PLA2R1: variants seen among roughly 807,000 people sequenced by gnomAD.
PLA2R1 encodes the protein phospholipase A2 receptor 1.
A neutral mutation model predicts 195.9 loss-of-function variants in PLA2R1; 158 were observed. The observed-to-expected ratio is 0.81, with a 90% CI of 0.71 to 0.92. PLA2R1 has a LOEUF of 0.92. PLA2R1 is among the 40% of genes least tolerant of loss of function. The pLI is 0.00. For missense variants in PLA2R1, 1,626 were observed against 1,764.6 expected (o/e 0.92, Z 1.41); for synonymous variants, 586 against 598.2 (o/e 0.98, Z 0.30).
Position 159,977,631 on chromosome 2 carries a change from CA to C in PLA2R1, c.2269-216del, listed in dbSNP as rs113271492. On this transcript the variant is annotated intron_variant, in intron 14 of 29. Transcript: ENST00000283243. ...TTCTTAAAGATGCCTTTTTAAAAAA[CA>C]AAAACAAAAACAAGAAAACAAAAGG... 3.9e-3 allele frequency among the ~76,000 whole-genome samples: 600 copies of C among 151,974 alleles called. 3 individuals are homozygous for C. The highest frequency in any genetic ancestry group is 0.014 in the African/African-American group (564 of 41,488).
At chr2:160,021,509 C>T (rs1186356670) in intron 7 of PLA2R1, among the ~76,000 whole-genome samples, 2 of 152,210 alleles carry the variant, frequency 1.3e-5, no homozygotes, top group African/African-American at 2.4e-5. Context: ...TGAGGCGATT[C>T]TGCTAAGTGA....
At chr2:159,978,257 TAAA>T (rs1689709414) in intron 14 of PLA2R1, among the ~76,000 whole-genome samples, 1 of 152,178 alleles carries the variant, frequency 6.6e-6, no homozygotes, top group African/African-American at 2.4e-5. Flanking sequence ...ACGGGGGTAT[TAAA>T]GAATCAACCT....
chr2:160,003,086 G>T (rs1387961506), intron 11 of PLA2R1, among the ~76,000 whole-genome samples: 2 of 151,950 alleles, frequency 1.3e-5, no homozygotes, highest in African/African-American at 4.8e-5. Context: ...GTTTATTATG[G>T]TATTTCGAAT....
intron 1 of PLA2R1, among the ~76,000 whole-genome samples, chr2:160,053,731 G>A (rs1207007582): frequency 1.3e-5 from 2 of 152,264 alleles, no homozygotes; most frequent in African/African-American, 4.8e-5. Context: ...GCAGCAGGCA[G>A]CATCAATTGT....
intron 6 of PLA2R1, among the ~76,000 whole-genome samples, chr2:160,026,781 G>A (rs1170226165): frequency 6.6e-6 from 1 of 152,160 alleles, no homozygotes; most frequent in Non-Finnish European, 1.5e-5. Context: ...TTAGAACTTT[G>A]TATATCATTG....
rs1688046415 is a variant in PLA2R1 at position 159,955,770 on chromosome 2, AT to A, written c.3080del (p.Asn1027MetfsTer8). On this transcript the variant is annotated frameshift_variant, in exon 22 of 30. Transcript: ENST00000283243. LOFTEE classifies it high-confidence loss of function. ...QTTSVWIGLQ[N>X]DDYETWLNGK... Reference sequence around the variant, plus strand: ...CATTTAGCCATGTTTCATAATCATCATTTTGTAAACCTATCCACACACTGGT... The same window carrying A: ...CATTTAGCCATGTTTCATAATCATCATTTGTAAACCTATCCACACACTGGT... 1 of 1,595,120 alleles carries A rather than the reference AT, an allele frequency of 6.3e-7. No individual in the cohort carries two copies. The highest frequency in any genetic ancestry group is 8.6e-7 in the Non-Finnish European group (1 of 1,165,914).
In PLA2R1 at chr2:159,932,585, C is replaced by T. The variant is rs1026567069; in HGVS notation, c.*9193G>A. ...TCCGTCCCCCAAGTTCTGATGTCCA[C>T]AGGGACAAGAACCCACTGTTTCCTA... is the stretch of plus-strand genomic sequence containing the variant. On this transcript the variant is annotated 3_prime_UTR_variant, in exon 30 of 30. Transcript: ENST00000283243. 6.6e-6 allele frequency: 1 copy of T among 152,246 alleles called. No homozygotes were observed. The highest frequency in any genetic ancestry group is 1.5e-5 in the Non-Finnish European group (1 of 68,068). The allele number at this position is 152,246 out of a possible 1,614,324, so 9.4% of individuals were successfully genotyped here. A position where few individuals can be genotyped will look rare whatever the true frequency, so the allele number is the denominator to read the frequency against.
chr2:160,036,001 C>T (rs1337088884), intron 3 of PLA2R1, among the ~76,000 whole-genome samples: 1 of 152,208 alleles, frequency 6.6e-6, no homozygotes, highest in Non-Finnish European at 1.5e-5. Context: ...CCTTATTCCT[C>T]CCTGGCTGCC....
At chr2:159,948,130 T>C (rs1217177114) in intron 25 of PLA2R1, among the ~76,000 whole-genome samples, 1 of 152,208 alleles carries the variant, frequency 6.6e-6, no homozygotes, top group Non-Finnish European at 1.5e-5. Context: ...AGATCCCGGC[T>C]CCACCACTTA....
At chr2:160,031,171 T>A (rs10929964) in intron 4 of PLA2R1, among the ~76,000 whole-genome samples, 118,841 of 152,156 alleles carry the variant, frequency 0.78, 46,902 homozygotes, top group Admixed American at 0.85. Flanking sequence ...CAAAAGCTTT[T>A]AAGTGTGCTT....
At position 160,028,493 on chromosome 2, in the gene PLA2R1, C is replaced by A. The variant is rs1013906084; in HGVS notation, c.956-132G>T. Reference sequence around the variant, plus strand: ...TATAGTAAATCCTATAAGATGTTATCTATGATTTTGCAGTTACAGTCCAGG... The same window carrying A: ...TATAGTAAATCCTATAAGATGTTATATATGATTTTGCAGTTACAGTCCAGG... On this transcript the variant is annotated intron_variant, in intron 5 of 29. Transcript: ENST00000283243. The A allele has an allele frequency of 4.3e-6, 3 of 697,596 alleles. No homozygotes were observed. In the East Asian group the frequency reaches 8.3e-5, roughly 19 times the overall value. 43.2% of individuals were successfully genotyped at this position (697,596 alleles called of 1,614,324 possible). A position where few individuals can be genotyped will look rare whatever the true frequency, so the allele number is the denominator to read the frequency against.
At chr2:160,000,685 G>C (rs973125131) in intron 11 of PLA2R1, among the ~76,000 whole-genome samples, 1 of 152,014 alleles carries the variant, frequency 6.6e-6, no homozygotes, top group African/African-American at 2.4e-5. Context: ...TAAAATATGA[G>C]TAGGAAACAA....
At chr2:160,015,463 T>C (rs920164146) in intron 9 of PLA2R1, among the ~76,000 whole-genome samples, 1 of 152,198 alleles carries the variant, frequency 6.6e-6, no homozygotes, top group South Asian at 2.1e-4. Flanking sequence ...CTTTAAATAC[T>C]GGTAATGCTG....
chr2:160,042,707 C>A (rs1694594016), intron 2 of PLA2R1, among the ~76,000 whole-genome samples: 1 of 151,360 alleles, frequency 6.6e-6, no homozygotes, highest in Non-Finnish European at 1.5e-5. Context: ...AAAGAGAAAG[C>A]AAATATACAA....
At chr2:159,944,811 C>T (rs1171588900) in intron 28 of PLA2R1, 95 bp downstream of exon 28, 1 of 898,558 alleles carries the variant, frequency 1.1e-6, no homozygotes, top group East Asian at 2.4e-5. Context: ...AATACTCTCT[C>T]AACTTGGATT....
intron 1 of PLA2R1, among the ~76,000 whole-genome samples, chr2:160,056,121 T>C (rs1695520189): frequency 6.6e-6 from 1 of 152,164 alleles, no homozygotes; most frequent in South Asian, 2.1e-4. Flanking sequence ...CTTTCCCCAC[T>C]GCAGGTTGTG....
At chr2:160,041,345 G>C (rs1694507363) in intron 3 of PLA2R1, among the ~76,000 whole-genome samples, 1 of 151,916 alleles carries the variant, frequency 6.6e-6, no homozygotes, top group Admixed American at 6.6e-5. Context: ...TCTAATACTT[G>C]GTAACAATTG....
intron 9 of PLA2R1, among the ~76,000 whole-genome samples, chr2:160,015,342 G>A (rs1002153311): frequency 6.6e-6 from 1 of 152,152 alleles, no homozygotes; most frequent in Non-Finnish European, 1.5e-5. Flanking sequence ...TTGCATTGAA[G>A]CAACTTTCTA....
At chr2:160,040,726 C>A (rs1694472340) in intron 3 of PLA2R1, among the ~76,000 whole-genome samples, 1 of 152,194 alleles carries the variant, frequency 6.6e-6, no homozygotes, top group Non-Finnish European at 1.5e-5. Context: ...AAACTCTTGG[C>A]ATTCACCACT....
Sources: allele counts gnomAD v4.1 joint callset (sites outside exome capture counted in the v4.1 genomes callset), GRCh38; gene constraint gnomAD v4.1.1; transcripts MANE v1.5; gene names NCBI Gene and HGNC (gene_info 2026-07-23, HGNC 2026-07-21).